GNB4: variants seen among roughly 807,000 people sequenced by gnomAD.
The protein encoded by GNB4 is G protein subunit beta 4.
In GNB4, 28 loss-of-function variants were observed where a neutral mutation model predicts 45.2. That is an observed-to-expected ratio of 0.62 (90% CI 0.46 to 0.85). GNB4 has a LOEUF of 0.85. GNB4 is among the 40% of genes least tolerant of loss of function. GNB4 has a pLI of 0.00. For synonymous variants in GNB4, 132 were observed against 143.7 expected, an observed-to-expected ratio of 0.92 and a Z score of 0.58; for missense variants, 321 against 425.4, an observed-to-expected ratio of 0.75 and a Z score of 2.16.
At chr3:179,500,416 C>G in the GNB4 span, among the ~76,000 whole-genome samples, 1 of 152,072 alleles carries the variant, frequency 6.6e-6, no homozygotes, top group Non-Finnish European at 1.5e-5. Flanking sequence ...TATTTCTCAG[C>G]CCTCCGTTCT....
the GNB4 span, chr3:179,465,242 CA>C: frequency 6.8e-7 from 1 of 1,470,420 alleles, no homozygotes; most frequent in Non-Finnish European, 9.5e-7. Flanking sequence ...AGGAGTCAGA[CA>C]AAAAGCCGGT....
chr3:179,466,426 C>G, the GNB4 span, among the ~76,000 whole-genome samples: 1 of 152,160 alleles, frequency 6.6e-6, no homozygotes, highest in Non-Finnish European at 1.5e-5. Flanking sequence ...GCAGAAGTAG[C>G]TCCTGCTCTA....
At chr3:179,413,156 C>T (rs915691222) in intron 8 of GNB4, among the ~76,000 whole-genome samples, 4 of 151,452 alleles carry the variant, frequency 2.6e-5, no homozygotes, top group African/African-American at 7.3e-5. Flanking sequence ...CCAGCCTGGA[C>T]GACAGAGCAA....
At chr3:179,408,210 A>C (rs182189001) in intron 8 of GNB4, among the ~76,000 whole-genome samples, 37 of 152,314 alleles carry the variant, frequency 2.4e-4, no homozygotes, top group African/African-American at 8.2e-4. Flanking sequence ...GAGAAAAATT[A>C]ATCAGTTGAA....
the GNB4 span, among the ~76,000 whole-genome samples, chr3:179,502,530 G>C: frequency 3.2e-3 from 481 of 152,040 alleles, 2 homozygotes; most frequent in African/African-American, 0.011. Flanking sequence ...ACTGCGCCTG[G>C]CCTGTTCTGA....
chr3:179,515,322 T>C, the GNB4 span, among the ~76,000 whole-genome samples: 2 of 152,344 alleles, frequency 1.3e-5, no homozygotes, highest in South Asian at 2.1e-4. Context: ...CACGTCCACG[T>C]GAAGAGACCA....
At chr3:179,455,157 G>T (rs1250358254), upstream of GNB4, among the ~76,000 whole-genome samples, 2 of 152,164 alleles carry the variant, frequency 1.3e-5, no homozygotes, top group Non-Finnish European at 2.9e-5. Context: ...TTTGGAATCT[G>T]TCATCCAAGT....
the GNB4 span, among the ~76,000 whole-genome samples, chr3:179,489,002 AAAAAAAAAAAAAAAAAAATAT>A: frequency 3.6e-4 from 13 of 36,612 alleles, 1 homozygote; most frequent in East Asian, 1.8e-3. Context: ...AAAAAAAAAA[AAAAAAAAAAAAAAAAAAATAT>A]ATATATATAT....
rs1327277837 is a variant in GNB4 at position 179,401,117 on chromosome 3, T to G, written c.*96A>C. ...TGTAGATAATCTAATAGAAAAATCTTCACCTGCAAATATAAGGTAGAATTT... is the reference window on the plus strand; with the variant it reads ...TGTAGATAATCTAATAGAAAAATCTGCACCTGCAAATATAAGGTAGAATTT... On this transcript the variant is annotated 3_prime_UTR_variant, in exon 10 of 10. Transcript: ENST00000232564. 4.4e-6 allele frequency: 3 copies of G among 674,934 alleles called. No individual in the cohort carries two copies. The highest frequency in any genetic ancestry group is 6.7e-6 in the Non-Finnish European group (3 of 447,528). The allele number at this position is 674,934 out of a possible 1,614,324, so 41.8% of individuals were successfully genotyped here.
At chr3:179,413,819 G>GAGTT in intron 6 of GNB4, 38 bp from the exon 7 acceptor site, 1 of 1,453,244 alleles carries the variant, frequency 6.9e-7, no homozygotes, top group Non-Finnish European at 9.6e-7. Context: ...GGTTATCACT[G>GAGTT]ATTGAATAAC....
chr3:179,451,750 G>A (rs1715888197), upstream of GNB4, among the ~76,000 whole-genome samples: 1 of 152,152 alleles, frequency 6.6e-6, no homozygotes, highest in Admixed American at 6.5e-5. Flanking sequence ...TGTGGCGCCG[G>A]GGCACGCTGC....
At chr3:179,429,833 A>T (rs566169730) in intron 1 of GNB4, among the ~76,000 whole-genome samples, 28 of 152,348 alleles carry the variant, frequency 1.8e-4, no homozygotes, top group Non-Finnish European at 3.8e-4. Context: ...AACCCTGCAC[A>T]GCTTTGTATG....
the GNB4 span, among the ~76,000 whole-genome samples, chr3:179,476,512 G>C: frequency 6.6e-6 from 1 of 152,174 alleles, no homozygotes; most frequent in Non-Finnish European, 1.5e-5. Flanking sequence ...CACTCCCATG[G>C]ATCCACTCGG....
chr3:179,403,843 C>A (rs1379047641), intron 9 of GNB4, among the ~76,000 whole-genome samples: 1 of 150,386 alleles, frequency 6.6e-6, no homozygotes, highest in Non-Finnish European at 1.5e-5. Flanking sequence ...AATAAAAATT[C>A]TTAAAAAACA....
chr3:179,479,801 G>A, the GNB4 span, among the ~76,000 whole-genome samples: 1 of 152,212 alleles, frequency 6.6e-6, no homozygotes, highest in African/African-American at 2.4e-5. Context: ...TTTTTCAAAT[G>A]TTCTTAAGTG....
At chr3:179,446,034 A>C (rs1351049943) in intron 1 of GNB4, among the ~76,000 whole-genome samples, 1 of 152,232 alleles carries the variant, frequency 6.6e-6, no homozygotes, top group Non-Finnish European at 1.5e-5. Flanking sequence ...TTTCTATTTC[A>C]AAAAAGATAA....
At chr3:179,458,349 A>G in the GNB4 span, among the ~76,000 whole-genome samples, 31 of 152,168 alleles carry the variant, frequency 2.0e-4, no homozygotes, top group African/African-American at 6.5e-4. Flanking sequence ...CTGCTCTCAT[A>G]GTGTGATAAA....
chr3:179,453,697 G>A (rs986539032), upstream of GNB4, among the ~76,000 whole-genome samples: 3 of 152,088 alleles, frequency 2.0e-5, no homozygotes, highest in Non-Finnish European at 2.9e-5. Flanking sequence ...GAATGATATC[G>A]TCAATCTTCC....
chr3:179,496,344 G>C, the GNB4 span, among the ~76,000 whole-genome samples: 1 of 151,914 alleles, frequency 6.6e-6, no homozygotes, highest in African/African-American at 2.4e-5. Flanking sequence ...AATGAAATCA[G>C]AGCATATCAC....
Sources: gnomAD v4.1 joint callset for allele counts (sites outside exome capture counted in the v4.1 genomes callset) on GRCh38, gnomAD v4.1.1 for gene constraint, MANE v1.5 for transcripts, NCBI Gene and HGNC (gene_info 2026-07-23, HGNC 2026-07-21) for gene names.